The following MICU1 variants were observed in gnomAD, a reference collection of about 807,000 sequenced individuals.
MICU1 encodes the protein calcium uptake protein 1, mitochondrial.
MICU1 carries 45 observed loss-of-function variants against 56.8 expected under a neutral mutation model. The observed-to-expected ratio is 0.79, with a 90% confidence interval of 0.62 to 1.02. MICU1 has a LOEUF of 1.02. Ranked by LOEUF, MICU1 falls within the 50% of genes least tolerant of loss-of-function variation. The pLI, the probability that MICU1 is intolerant of heterozygous loss-of-function variation, is 0.00. For missense variants in MICU1, 504 were observed against 587.1 expected, an observed-to-expected ratio of 0.86 and a Z score of 1.46; for synonymous variants, 186 against 195.1, an observed-to-expected ratio of 0.95 and a Z score of 0.39.
chr10:72,429,374 C>T (rs539841968), intron 8 of MICU1, among the ~76,000 whole-genome samples: 6 of 142,972 alleles, frequency 4.2e-5, no homozygotes, highest in Admixed American at 7.3e-5. Flanking sequence ...GAGCCAAGAT[C>T]GTGCCACTGC....
chr10:72,433,826 G>C (rs528691715), intron 8 of MICU1, among the ~76,000 whole-genome samples: 94 of 152,238 alleles, frequency 6.2e-4, no homozygotes, highest in African/African-American at 2.2e-3. Context: ...TTTTAAACAA[G>C]GAAACATAAA....
chr10:72,557,066 A>C (rs1004419983), intron 3 of MICU1, among the ~76,000 whole-genome samples: 23 of 148,620 alleles, frequency 1.5e-4, no homozygotes, highest in South Asian at 1.3e-3. Flanking sequence ...ACTTCATCCC[A>C]AAAAAAAAAG....
intron 10 of MICU1, among the ~76,000 whole-genome samples, chr10:72,399,576 G>A (rs754372318): frequency 6.6e-6 from 1 of 152,068 alleles, no homozygotes; most frequent in Admixed American, 6.6e-5. Flanking sequence ...CACCCAGGAG[G>A]CAGAGATTGC....
chr10:72,618,141 T>G (rs1490596083), intron 1 of MICU1, among the ~76,000 whole-genome samples: 1 of 147,946 alleles, frequency 6.8e-6, no homozygotes, highest in East Asian at 2.0e-4. Context: ...CACTCCAGCC[T>G]GGTCAACAGA....
chr10:72,440,955 T>C (rs978104082), intron 8 of MICU1, among the ~76,000 whole-genome samples: 5 of 152,122 alleles, frequency 3.3e-5, no homozygotes, highest in Middle Eastern at 3.2e-3. Context: ...GTTGGTGGGA[T>C]TGTAAATTAG....
chr10:72,443,349 T>G (rs565773056), intron 8 of MICU1, among the ~76,000 whole-genome samples: 70 of 152,214 alleles, frequency 4.6e-4, no homozygotes, highest in Admixed American at 9.2e-4. Context: ...TAGTTTCTTT[T>G]GTTGTGCAGA....
intron 10 of MICU1, among the ~76,000 whole-genome samples, chr10:72,397,597 G>A (rs1199709721): frequency 6.6e-6 from 1 of 151,416 alleles, no homozygotes; most frequent in African/African-American, 2.4e-5. Context: ...GATCTACCAA[G>A]GAAATGGAAA....
At chr10:72,543,750 T>C (rs1301279337) in intron 4 of MICU1, among the ~76,000 whole-genome samples, 1 of 151,606 alleles carries the variant, frequency 6.6e-6, no homozygotes, top group Non-Finnish European at 1.5e-5. Context: ...AGCTGGAGGC[T>C]GAGGCAAGAG....
At chr10:72,531,882 TA>T (rs368509371) in intron 5 of MICU1, among the ~76,000 whole-genome samples, 1 of 151,688 alleles carries the variant, frequency 6.6e-6, no homozygotes. Context: ...CATAAGGTTT[TA>T]TTTTTTTTTT....
intron 6 of MICU1, among the ~76,000 whole-genome samples, chr10:72,484,003 C>T (rs2132287432): frequency 6.6e-6 from 1 of 152,260 alleles, no homozygotes; most frequent in East Asian, 1.9e-4. Flanking sequence ...TTTGATTATA[C>T]CATAAGTTTT....
chr10:72,594,482 C>T (rs1244928860), intron 1 of MICU1, among the ~76,000 whole-genome samples: 1 of 152,022 alleles, frequency 6.6e-6, no homozygotes, highest in Non-Finnish European at 1.5e-5. Context: ...AGCTTCATGA[C>T]ACTAGATTTG....
At chr10:72,516,591 C>A (rs1234816875) in intron 5 of MICU1, among the ~76,000 whole-genome samples, 1 of 152,056 alleles carries the variant, frequency 6.6e-6, no homozygotes, top group Non-Finnish European at 1.5e-5. Context: ...GTCTTTAATC[C>A]ATCTCGAGTT....
At chr10:72,435,283 G>C (rs1048949908) in intron 8 of MICU1, among the ~76,000 whole-genome samples, 8 of 150,930 alleles carry the variant, frequency 5.3e-5, no homozygotes, top group African/African-American at 2.0e-4. Context: ...AGCTACTTGG[G>C]AGGCTGAAGT....
intron 10 of MICU1, among the ~76,000 whole-genome samples, chr10:72,399,510 T>C (rs1442053499): frequency 1.3e-5 from 2 of 152,126 alleles, no homozygotes; most frequent in Non-Finnish European, 2.9e-5. Flanking sequence ...GTCAGACATG[T>C]TGGCACGTGC....
At chr10:72,464,113 T>C (rs1865716736) in intron 8 of MICU1, among the ~76,000 whole-genome samples, 1 of 151,990 alleles carries the variant, frequency 6.6e-6, no homozygotes, top group South Asian at 2.1e-4. Context: ...CTGGCCAACA[T>C]AGTGAAACCT....
chr10:72,552,667 G>A (rs1840063351), intron 3 of MICU1, among the ~76,000 whole-genome samples: 1 of 152,042 alleles, frequency 6.6e-6, no homozygotes, highest in Non-Finnish European at 1.5e-5. Flanking sequence ...CAATTCTCCT[G>A]CCTCAGCCTC....
rs149571340 is a variant in MICU1 at position 72,482,900 on chromosome 10, G to T, written c.653-5644C>A. 7.2e-3 allele frequency among the ~76,000 whole-genome samples: 1,090 copies of T among 151,154 alleles called. 19 individuals carry two copies. Among genetic ancestry groups the T allele is most frequent in the African/African-American group, 0.026 (1,052 of 41,196 alleles). On this transcript the variant is annotated intron_variant, in intron 6 of 11. Transcript: ENST00000361114. ...TTACAGAGTCTTGCTCTGTCGCCCAGGTTGAAGTGCAGTGGCGTGATTTTG... is the reference window on the plus strand; with the variant it reads ...TTACAGAGTCTTGCTCTGTCGCCCATGTTGAAGTGCAGTGGCGTGATTTTG...
chr10:72,373,626 T>G (rs962019421), intron 11 of MICU1, among the ~76,000 whole-genome samples: 3 of 152,290 alleles, frequency 2.0e-5, no homozygotes, highest in African/African-American at 7.2e-5. Flanking sequence ...TGACAGAACC[T>G]CTTTCTAAAA....
rs1199914369 is a variant in MICU1 at position 72,619,377 on chromosome 10, G to A, written c.-2+6633C>T. On this transcript the variant is annotated intron_variant, in intron 1 of 11. Coordinates refer to ENST00000361114, the MANE Select transcript of MICU1 (RefSeq NM_001195518.2). ...GGAGAACGGTGTGAACCCAGGAGGC[G>A]GGGTTTGCAGTGAGCCGAGATTGTG... Among the ~76,000 whole-genome samples the A allele has an allele frequency of 2.6e-5, 4 of 152,272 alleles. No homozygotes were observed. The East Asian group carries it at 5.8e-4, about 22-fold the overall frequency.
Sources: allele counts gnomAD v4.1 joint callset (sites outside exome capture counted in the v4.1 genomes callset), GRCh38; gene constraint gnomAD v4.1.1; transcripts MANE v1.5; gene names NCBI Gene and HGNC (gene_info 2026-07-23, HGNC 2026-07-21).